The following NREP variants were observed in gnomAD, a reference collection of about 807,000 sequenced individuals.
The protein encoded by NREP is neuronal regeneration-related protein.
A neutral mutation model predicts 8.6 loss-of-function variants in NREP; 5 were observed. That is an observed-to-expected ratio of 0.58 (90% CI 0.30 to 1.22). NREP has a LOEUF of 1.22. NREP is among the 50% of genes most tolerant of loss of function. NREP has a pLI of 0.07. For missense variants in NREP, 86 were observed against 82.5 expected (o/e 1.04, Z -0.17); for synonymous variants, 27 against 28.0 (o/e 0.96, Z 0.11).
intron 2 of NREP, among the ~76,000 whole-genome samples, chr5:111,881,756 C>A (rs181344154): frequency 6.6e-6 from 1 of 152,182 alleles, no homozygotes; most frequent in African/African-American, 2.4e-5. Flanking sequence ...TCCAACAGAC[C>A]TGCAGCTGAG....
chr5:111,769,622 T>G (rs1193302416), intron 2 of NREP, among the ~76,000 whole-genome samples: 1 of 152,188 alleles, frequency 6.6e-6, no homozygotes. Context: ...ACAGGTTTAA[T>G]TGGCAAACAG....
At chr5:111,849,223 T>C (rs1057334301) in intron 2 of NREP, among the ~76,000 whole-genome samples, 6 of 152,094 alleles carry the variant, frequency 3.9e-5, no homozygotes, top group Non-Finnish European at 8.8e-5. Context: ...TGTAGGACGA[T>C]AGGAGGAATC....
rs147350937 is a variant in NREP at position 111,860,669 on chromosome 5, C to T, written c.135+114605G>A. Among the ~76,000 whole-genome samples, 899 of 152,226 alleles carry T rather than the reference C, an allele frequency of 5.9e-3. 7 individuals carry two copies. The highest frequency in any genetic ancestry group is 7.0e-3 in the Non-Finnish European group (476 of 68,006). ...CAATCCCTAGCAATATTCCATATTT[C>T]TAACTTTATTTCCTATTTGTCACCT... On this transcript the variant is annotated intron_variant, in intron 2 of 3. Coordinates refer to the NREP transcript ENST00000395634.
At chr5:111,771,426 TACACACACACAC>T (rs111799670) in intron 2 of NREP, among the ~76,000 whole-genome samples, 12,606 of 147,268 alleles carry the variant, frequency 0.086, 587 homozygotes, top group Non-Finnish European at 0.1. Flanking sequence ...CATAGTCTTT[TACACACACACAC>T]ACACACACAC....
At chr5:111,950,757 A>G (rs1434396612) in intron 2 of NREP, among the ~76,000 whole-genome samples, 1 of 151,978 alleles carries the variant, frequency 6.6e-6, no homozygotes, top group African/African-American at 2.4e-5. Context: ...ATGAACAGAC[A>G]CTTCTCAAAA....
Position 111,833,087 on chromosome 5 carries a change from C to G in NREP, c.136-97580G>C, listed in dbSNP as rs185406503. 1.8e-3 allele frequency among the ~76,000 whole-genome samples: 281 copies of G among 152,302 alleles called. 3 individuals are homozygous for G. The highest frequency in any genetic ancestry group is 6.5e-3 in the African/African-American group (270 of 41,564). On this transcript the variant is annotated intron_variant, in intron 2 of 3. Coordinates refer to the NREP transcript ENST00000395634. ...AAGTCAGAAATGGACTTGCTTCCCT[C>G]TTTAAAACACTGTTTTGTACCTTAA...
At chr5:111,776,510 G>A (rs778112954) in intron 2 of NREP, among the ~76,000 whole-genome samples, 3 of 152,226 alleles carry the variant, frequency 2.0e-5, no homozygotes, top group East Asian at 1.9e-4. Context: ...AAAGACATGC[G>A]CAAGTCTGTT....
intron 2 of NREP, among the ~76,000 whole-genome samples, chr5:111,957,689 G>A (rs1298223045): frequency 6.6e-6 from 1 of 151,392 alleles, no homozygotes; most frequent in Non-Finnish European, 1.5e-5. Flanking sequence ...CCAACTTCAT[G>A]TGTGTGTATA....
chr5:111,764,196 G>T (rs1205500759), intron 2 of NREP, among the ~76,000 whole-genome samples: 1 of 152,202 alleles, frequency 6.6e-6, no homozygotes, highest in Non-Finnish European at 1.5e-5. Context: ...GCTTTCAGGT[G>T]CTCCATTTAG....
At chr5:111,759,543 C>T (rs1750912623), upstream of NREP, among the ~76,000 whole-genome samples, 2 of 151,744 alleles carry the variant, frequency 1.3e-5, no homozygotes, top group Admixed American at 6.6e-5. Context: ...CACAAGCCAC[C>T]TCTCTTGGCC....
rs552436220 is a variant in NREP at position 111,781,326 on chromosome 5, A to C, written c.136-45819T>G. Among the ~76,000 whole-genome samples the C allele has an allele frequency of 4.6e-5, 7 of 152,288 alleles. 1 individual carries two copies. The highest frequency in any genetic ancestry group is 1.7e-4 in the African/African-American group (7 of 41,578). The stretch of plus-strand genomic sequence containing the variant: ...CTCTCACGATGCCTGCTCTTCGAAC[A>C]GTGCCACCCCTACGTGAGGAAGTCC... On this transcript the variant is annotated intron_variant, in intron 2 of 3. Coordinates refer to the NREP transcript ENST00000395634.
At chr5:111,936,308 T>C (rs920599602) in intron 2 of NREP, among the ~76,000 whole-genome samples, 1 of 151,972 alleles carries the variant, frequency 6.6e-6, no homozygotes, top group Admixed American at 6.6e-5. Context: ...CAAGATCTGA[T>C]GGTTTTATAA....
At chr5:111,785,370 C>G (rs997567003) in intron 2 of NREP, among the ~76,000 whole-genome samples, 1 of 152,216 alleles carries the variant, frequency 6.6e-6, no homozygotes, top group South Asian at 2.1e-4. Context: ...CCTCCACCTC[C>G]TGGGTTCAAG....
At chr5:111,908,032 G>A (rs1057371377) in intron 2 of NREP, among the ~76,000 whole-genome samples, 9 of 152,028 alleles carry the variant, frequency 5.9e-5, no homozygotes, top group African/African-American at 2.2e-4. Flanking sequence ...CTAGGAAATT[G>A]ATTTTGGAAA....
chr5:111,955,355 G>C (rs923052869), intron 2 of NREP, among the ~76,000 whole-genome samples: 12 of 151,854 alleles, frequency 7.9e-5, no homozygotes, highest in African/African-American at 2.9e-4. Context: ...AAAATTAATA[G>C]TTGAGTGAGT....
At position 111,946,319 on chromosome 5, in the gene NREP, A is replaced by G. The variant is rs143174035; in HGVS notation, c.135+28955T>C. The stretch of plus-strand genomic sequence containing the variant: ...AAATGAACCTTAACAAAGTACTGCC[A>G]ACATCACAAATGGCAAATGTTTGAA... On this transcript the variant is annotated intron_variant, in intron 2 of 3. Coordinates refer to the NREP transcript ENST00000395634. Among the ~76,000 whole-genome samples the G allele has an allele frequency of 3.3e-5, 5 of 152,136 alleles. No homozygotes were observed. The East Asian group carries it at 9.7e-4, about 29-fold the overall frequency.
intron 2 of NREP, among the ~76,000 whole-genome samples, chr5:111,822,892 T>A (rs147138510): frequency 2.0e-3 from 304 of 152,298 alleles, no homozygotes; most frequent in Non-Finnish European, 2.8e-3. Flanking sequence ...CTGGAATCAA[T>A]AAATAAGAAT....
chr5:111,758,037 G>C (rs1221537689), upstream of NREP: 3 of 985,440 alleles, frequency 3.0e-6, no homozygotes, highest in East Asian at 1.1e-4. Context: ...AGAAAATGGT[G>C]CCTGCGGCGG....
At position 111,928,432 on chromosome 5, in the gene NREP, A is replaced by G. The variant is rs187879659; in HGVS notation, c.135+46842T>C. ...GGAAAGCAGACTTAATTTATGTCAG[A>G]AAAAAATCTGACTGTATTTGAATTG... is the stretch of plus-strand genomic sequence containing the variant. On this transcript the variant is annotated intron_variant, in intron 2 of 3. Coordinates refer to the NREP transcript ENST00000395634. 1.9e-3 allele frequency among the ~76,000 whole-genome samples: 294 copies of G among 152,240 alleles called. 3 individuals are homozygous for G. The highest frequency in any genetic ancestry group is 3.0e-3 in the Non-Finnish European group (201 of 68,002).
Sources: gnomAD v4.1 joint callset for allele counts (sites outside exome capture counted in the v4.1 genomes callset) on GRCh38, gnomAD v4.1.1 for gene constraint, MANE v1.5 for transcripts, NCBI Gene and HGNC (gene_info 2026-07-23, HGNC 2026-07-21) for gene names.